The following LARGE1 variants were observed in gnomAD, a reference collection of about 807,000 sequenced individuals.
The protein encoded by LARGE1 is LARGE xylosyl- and glucuronyltransferase 1, also known as xylosyl- and glucuronyltransferase LARGE1.
LARGE1 carries 43 observed loss-of-function variants against 87.6 expected under a neutral mutation model. That is an observed-to-expected ratio of 0.49 (90% CI 0.38 to 0.63). LARGE1 has a LOEUF of 0.63. LARGE1 is among the 30% of genes least tolerant of loss of function. LARGE1 has a pLI of 0.00. For synonymous variants in LARGE1, 434 were observed against 394.6 expected, an observed-to-expected ratio of 1.10 and a Z score of -1.18; for missense variants, 802 against 1,000.2, an observed-to-expected ratio of 0.80 and a Z score of 2.67.
the LARGE1 span, among the ~76,000 whole-genome samples, chr22:33,130,923 C>T: frequency 2.7e-5 from 4 of 150,842 alleles, no homozygotes; most frequent in Admixed American, 2.0e-4. Flanking sequence ...GTCCCAGCTA[C>T]TCGGAGAGGC....
intron 1 of LARGE1, among the ~76,000 whole-genome samples, chr22:33,890,441 C>G (rs1467072002): frequency 2.0e-5 from 3 of 151,886 alleles, no homozygotes; most frequent in Non-Finnish European, 4.4e-5. Context: ...CACAGCAATT[C>G]TAGGAGGCAT....
chr22:33,161,771 T>C (rs1293893484), downstream of LARGE1, among the ~76,000 whole-genome samples: 1 of 152,212 alleles, frequency 6.6e-6, no homozygotes, highest in Non-Finnish European at 1.5e-5. Context: ...TCCCAGCTGC[T>C]TTCATGGGCT....
intron 3 of LARGE1, among the ~76,000 whole-genome samples, chr22:33,634,588 G>A (rs910681344): frequency 1.3e-5 from 2 of 148,428 alleles, no homozygotes; most frequent in African/African-American, 2.4e-5. Flanking sequence ...ATGTCCCGAG[G>A]CCTTGGAATT....
chr22:33,207,269 G>A (rs1924731360), intron 11 of LARGE1, among the ~76,000 whole-genome samples: 1 of 152,140 alleles, frequency 6.6e-6, no homozygotes, highest in African/African-American at 2.4e-5. Flanking sequence ...CTAATGCTTT[G>A]GAGTTCTCCA....
chr22:33,679,924 G>T lies in LARGE1; in HGVS notation c.107-29256C>A, dbSNP rs901305887. On this transcript the variant is annotated intron_variant, in intron 2 of 14. Transcript: ENST00000397394. ...GATCCTTCCCTGGCATCTCCAGAAG[G>T]AGTATGGTTTAGCCAATACCTTGAT... Among the ~76,000 whole-genome samples, 5 of 152,224 alleles carry T rather than the reference G, an allele frequency of 3.3e-5. 1 individual carries two copies. Among genetic ancestry groups the T allele is most frequent in the Admixed American group, 3.3e-4 (5 of 15,282 alleles).
At chr22:33,452,539 A>G (rs1184473999) in intron 6 of LARGE1, among the ~76,000 whole-genome samples, 1 of 152,140 alleles carries the variant, frequency 6.6e-6, no homozygotes, top group Non-Finnish European at 1.5e-5. Flanking sequence ...AATCTGGAAA[A>G]CGTCACTAGT....
chr22:33,166,833 C>T lies in LARGE1; in HGVS notation c.1731-1G>A, dbSNP rs1188962518. The T allele has an allele frequency of 4.2e-6, 2 of 471,238 alleles. No homozygotes were observed. Among genetic ancestry groups the T allele is most frequent in the African/African-American group, 4.0e-5 (2 of 50,074 alleles). The allele number at this position is 471,238 out of a possible 1,614,324, so 29.2% of individuals were successfully genotyped here. A position where few individuals can be genotyped will look rare whatever the true frequency, so the allele number is the denominator to read the frequency against. On this transcript the variant is annotated splice_acceptor_variant, in intron 11 of 11. Coordinates refer to the LARGE1 transcript ENST00000608642. LOFTEE classifies it high-confidence loss of function. ...AGATAGGGTCTGGCTAAAATCAAAG[C>T]TAGAAGCAAAAGAGAATGAGAAAGG...
rs925383246 is a variant in LARGE1 at position 33,274,026 on chromosome 22, A to T, written c.*401T>A. 3 of 337,442 alleles carry T rather than the reference A, an allele frequency of 8.9e-6. No individual in the cohort carries two copies. The highest frequency in any genetic ancestry group is 6.2e-5 in the African/African-American group (3 of 48,068). The allele number at this position is 337,442 out of a possible 1,614,324, so 20.9% of individuals were successfully genotyped here. A position where few individuals can be genotyped will look rare whatever the true frequency, so the allele number is the denominator to read the frequency against. ...TTCACTTCTATTTCCTGGGACGAAT[A>T]ACCCCTAGAACCCTGACTTCCCTTT... On this transcript the variant is annotated 3_prime_UTR_variant, in exon 15 of 15. Transcript: ENST00000397394.
chr22:33,915,879 G>A (rs2065772735), intron 1 of LARGE1, among the ~76,000 whole-genome samples: 1 of 152,156 alleles, frequency 6.6e-6, no homozygotes, highest in African/African-American at 2.4e-5. Flanking sequence ...ATACTTTAGG[G>A]TTTCCATGCT....
chr22:33,466,391 C>G (rs11703108), intron 6 of LARGE1, among the ~76,000 whole-genome samples: 4,806 of 151,200 alleles, frequency 0.032, 129 homozygotes, highest in Non-Finnish European at 0.051. Context: ...CTCTCTCTCT[C>G]TGTCATACTT....
chr22:33,565,167 G>T (rs1309822896), intron 5 of LARGE1, 148 bp from the exon 6 acceptor site: 2 of 757,702 alleles, frequency 2.6e-6, no homozygotes, highest in Non-Finnish European at 4.3e-6. Context: ...TTCTTTTAAA[G>T]ATTTATATAA....
At chr22:33,247,713 T>C (rs964415028) in intron 11 of LARGE1, among the ~76,000 whole-genome samples, 2 of 152,240 alleles carry the variant, frequency 1.3e-5, no homozygotes, top group Admixed American at 6.5e-5. Context: ...CTTATAAGTA[T>C]GAATGGGAAT....
chr22:33,722,537 C>G (rs947613861), intron 2 of LARGE1, among the ~76,000 whole-genome samples: 17 of 152,090 alleles, frequency 1.1e-4, no homozygotes, highest in Non-Finnish European at 1.9e-4. Flanking sequence ...GTGTTGAGCA[C>G]CTATGATGTG....
chr22:33,818,203 C>G (rs1254005829), intron 1 of LARGE1, among the ~76,000 whole-genome samples: 2 of 152,130 alleles, frequency 1.3e-5, no homozygotes, highest in Admixed American at 6.5e-5. Flanking sequence ...CCAGCTGTGC[C>G]CCCTCAAGTC....
At chr22:33,778,385 G>A (rs1320097370) in intron 1 of LARGE1, among the ~76,000 whole-genome samples, 2 of 152,054 alleles carry the variant, frequency 1.3e-5, no homozygotes, top group Non-Finnish European at 2.9e-5. Context: ...ACAATTCATG[G>A]CATTTAGTAC....
intron 7 of LARGE1, among the ~76,000 whole-genome samples, chr22:33,416,470 A>T (rs1174680382): frequency 6.6e-6 from 1 of 151,922 alleles, no homozygotes; most frequent in South Asian, 2.1e-4. Flanking sequence ...CCTCCATCAT[A>T]GTGCAGGCCA....
chr22:33,605,676 A>G (rs965354483), intron 4 of LARGE1, among the ~76,000 whole-genome samples: 5 of 152,254 alleles, frequency 3.3e-5, no homozygotes, highest in South Asian at 4.1e-4. Flanking sequence ...GCTACTACAA[A>G]TAATGACATA....
intron 4 of LARGE1, among the ~76,000 whole-genome samples, chr22:33,622,820 T>C (rs2079798137): frequency 6.6e-6 from 1 of 152,222 alleles, no homozygotes; most frequent in Non-Finnish European, 1.5e-5. Flanking sequence ...TAGCACATAC[T>C]AAGGATTTGC....
At chr22:33,091,248 G>C in the LARGE1 span, among the ~76,000 whole-genome samples, 1 of 152,058 alleles carries the variant, frequency 6.6e-6, no homozygotes, top group East Asian at 1.9e-4. Flanking sequence ...TGTCCAGCTG[G>C]GGGAGACCAG....
Sources: gnomAD v4.1 joint callset for allele counts (sites outside exome capture counted in the v4.1 genomes callset) on GRCh38, gnomAD v4.1.1 for gene constraint, MANE v1.5 for transcripts, NCBI Gene and HGNC (gene_info 2026-07-23, HGNC 2026-07-21) for gene names.